SAMD5: variants seen among roughly 807,000 people sequenced by gnomAD.
The protein encoded by SAMD5 is sterile alpha motif domain-containing protein 5.
SAMD5 carries 13 observed loss-of-function variants against 11.3 expected under a neutral mutation model. That is an observed-to-expected ratio of 1.15 (90% CI 0.75 to 1.83). The LOEUF (loss-of-function observed/expected upper bound fraction) is 1.83, where lower values mean the gene tolerates loss of function less well. Among genes scored for constraint, SAMD5 ranks in the 40% most tolerant of loss-of-function variants. SAMD5 has a pLI of 0.00. For missense variants in SAMD5, 255 were observed against 239.1 expected, an observed-to-expected ratio of 1.07 and a Z score of -0.44; for synonymous variants, 129 against 111.3, an observed-to-expected ratio of 1.16 and a Z score of -1.00.
chr6:147,743,754 C>T, the SAMD5 span, among the ~76,000 whole-genome samples: 1 of 152,074 alleles, frequency 6.6e-6, no homozygotes, highest in Non-Finnish European at 1.5e-5. Flanking sequence ...GCAATTAATT[C>T]ACAATAGGCA....
chr6:147,720,827 T>A (rs1289446072), intron 1 of SAMD5, among the ~76,000 whole-genome samples: 4 of 143,154 alleles, frequency 2.8e-5, no homozygotes, highest in African/African-American at 1.0e-4. Flanking sequence ...TAGGTATATC[T>A]CCCAATGCTA....
chr6:147,876,151 C>A, the SAMD5 span, among the ~76,000 whole-genome samples: 3 of 152,120 alleles, frequency 2.0e-5, no homozygotes, highest in Non-Finnish European at 2.9e-5. Context: ...TCTGCTGTTG[C>A]CATCTTAAAA....
At chr6:147,839,512 G>C in the SAMD5 span, among the ~76,000 whole-genome samples, 4 of 152,174 alleles carry the variant, frequency 2.6e-5, no homozygotes, top group African/African-American at 7.2e-5. Flanking sequence ...ATTTTGGGGG[G>C]GCTGAGGCAG....
chr6:147,735,434 T>C (rs2128460351), intron 1 of SAMD5, among the ~76,000 whole-genome samples: 1 of 152,278 alleles, frequency 6.6e-6, no homozygotes, highest in East Asian at 1.9e-4. Flanking sequence ...GTCTGAGAAC[T>C]CATCTCAAAG....
At chr6:147,714,095 C>G (rs3915072) in intron 1 of SAMD5, among the ~76,000 whole-genome samples, 98,855 of 152,008 alleles carry the variant, frequency 0.65, 32,328 homozygotes, top group Middle Eastern at 0.74. Context: ...TGGGCACCTT[C>G]GCCCACTGAG....
chr6:147,617,819 T>C (rs890460563), intron 1 of SAMD5, among the ~76,000 whole-genome samples: 3 of 152,210 alleles, frequency 2.0e-5, no homozygotes, highest in Non-Finnish European at 4.4e-5. Context: ...ATGCCTTGTA[T>C]ACAATAATAA....
chr6:147,684,147 T>G (rs909764234), intron 1 of SAMD5, among the ~76,000 whole-genome samples: 7 of 152,060 alleles, frequency 4.6e-5, no homozygotes, highest in Admixed American at 3.3e-4. Flanking sequence ...GCTAAGCGTT[T>G]CATTATGATT....
chr6:147,885,769 A>G, the SAMD5 span, among the ~76,000 whole-genome samples: 7 of 152,190 alleles, frequency 4.6e-5, no homozygotes, highest in Admixed American at 4.6e-4. Flanking sequence ...GTAGTGGGAG[A>G]AATCCTTGGA....
intron 1 of SAMD5, among the ~76,000 whole-genome samples, chr6:147,579,660 T>C (rs1358793839): frequency 6.6e-6 from 1 of 152,114 alleles, no homozygotes; most frequent in Non-Finnish European, 1.5e-5. Context: ...TTCCACCATG[T>C]TGGCCAGGCT....
intron 1 of SAMD5, among the ~76,000 whole-genome samples, chr6:147,726,098 A>T (rs1482764609): frequency 1.3e-5 from 2 of 152,216 alleles, no homozygotes; most frequent in Non-Finnish European, 2.9e-5. Context: ...CCTACAACAC[A>T]TATTTGAGAA....
intron 1 of SAMD5, among the ~76,000 whole-genome samples, chr6:147,659,733 ATC>A (rs1053394111): frequency 5.3e-5 from 8 of 152,174 alleles, no homozygotes; most frequent in Admixed American, 5.2e-4. Context: ...TCTTGGAAAT[ATC>A]TCTCTCTATA....
At chr6:147,768,638 C>T in the SAMD5 span, among the ~76,000 whole-genome samples, 2 of 152,038 alleles carry the variant, frequency 1.3e-5, no homozygotes, top group East Asian at 3.9e-4. Flanking sequence ...ATACTTATAC[C>T]TATTTTATTT....
At chr6:147,771,012 A>C in the SAMD5 span, among the ~76,000 whole-genome samples, 1 of 152,238 alleles carries the variant, frequency 6.6e-6, no homozygotes, top group African/African-American at 2.4e-5. Flanking sequence ...CCTTTCTAAA[A>C]TTCTACAACT....
chr6:147,595,578 G>A (rs1183019186), intron 1 of SAMD5, among the ~76,000 whole-genome samples: 3 of 142,662 alleles, frequency 2.1e-5, no homozygotes, highest in African/African-American at 8.0e-5. Flanking sequence ...CCAGGCTGGA[G>A]TGCAGTGGTG....
chr6:147,683,909 T>C (rs986155909), intron 1 of SAMD5, among the ~76,000 whole-genome samples: 2 of 152,172 alleles, frequency 1.3e-5, no homozygotes, highest in Non-Finnish European at 2.9e-5. Flanking sequence ...ATTACAAATA[T>C]TTATATTACA....
chr6:147,564,245 A>G, intron 1 of SAMD5, 149 bp from the exon 2 acceptor site: 1 of 512,370 alleles, frequency 2.0e-6, no homozygotes, highest in Non-Finnish European at 3.6e-6. Context: ...GATAACAAGC[A>G]AAAACTCTTA....
At chr6:147,900,618 A>T in the SAMD5 span, among the ~76,000 whole-genome samples, 3 of 152,154 alleles carry the variant, frequency 2.0e-5, no homozygotes, top group African/African-American at 4.8e-5. Flanking sequence ...TTACCTAGAT[A>T]GTTAGGGGAA....
the SAMD5 span, among the ~76,000 whole-genome samples, chr6:147,931,151 T>A: frequency 6.6e-6 from 1 of 152,184 alleles, no homozygotes; most frequent in East Asian, 1.9e-4. Context: ...TGGAGAAAAG[T>A]TTTGACTTTC....
chr6:147,559,092 G>A (rs1428950636), intron 1 of SAMD5, among the ~76,000 whole-genome samples: 1 of 152,096 alleles, frequency 6.6e-6, no homozygotes, highest in Non-Finnish European at 1.5e-5. Flanking sequence ...TTAAATTCCC[G>A]GTCATTTCTT....
Sources: gnomAD v4.1 joint callset for allele counts (sites outside exome capture counted in the v4.1 genomes callset) on GRCh38, gnomAD v4.1.1 for gene constraint, MANE v1.5 for transcripts, NCBI Gene and HGNC (gene_info 2026-07-23, HGNC 2026-07-21) for gene names.